Variants in ST6GALNAC3 observed in about 807,000 individuals in gnomAD.
ST6GALNAC3 encodes the protein ST6 N-acetylgalactosaminide alpha-2,6-sialyltransferase 3.
Under a neutral mutation model 32.7 loss-of-function variants are expected in ST6GALNAC3, and 25 were observed. The ratio of observed to expected loss-of-function variants is 0.76; its 90% CI spans 0.56 to 1.07. The LOEUF (loss-of-function observed/expected upper bound fraction) is 1.07, where lower values mean the gene tolerates loss of function less well. Ranked by LOEUF, ST6GALNAC3 falls within the 50% of genes least tolerant of loss-of-function variation. The pLI, the probability that ST6GALNAC3 is intolerant of heterozygous loss-of-function variation, is 0.00. For missense variants in ST6GALNAC3, 355 were observed against 382.4 expected (o/e 0.93, Z 0.60); for synonymous variants, 129 against 133.1 (o/e 0.97, Z 0.21).
At chr1:76,496,806 G>A (rs1460912221) in intron 3 of ST6GALNAC3, among the ~76,000 whole-genome samples, 4 of 152,138 alleles carry the variant, frequency 2.6e-5, no homozygotes, top group Admixed American at 2.0e-4. Flanking sequence ...CAAATGGACT[G>A]AGACTATTTC....
chr1:76,437,325 T>A (rs1656209288), intron 3 of ST6GALNAC3, among the ~76,000 whole-genome samples: 1 of 152,108 alleles, frequency 6.6e-6, no homozygotes, highest in Admixed American at 6.5e-5. Context: ...TTCATAGCCC[T>A]CCTATGGAAA....
intron 1 of ST6GALNAC3, among the ~76,000 whole-genome samples, chr1:76,166,410 T>C (rs980243724): frequency 3.9e-5 from 6 of 152,168 alleles, no homozygotes; most frequent in African/African-American, 7.2e-5. Context: ...AGCTGTGTAG[T>C]ACAGTTTGAA....
At chr1:76,284,505 A>G (rs1557752976) in intron 1 of ST6GALNAC3, among the ~76,000 whole-genome samples, 1 of 152,188 alleles carries the variant, frequency 6.6e-6, no homozygotes, top group Non-Finnish European at 1.5e-5. Context: ...AGCAACATTA[A>G]GATAAATTTT....
chr1:76,244,648 A>G (rs1232634570), intron 1 of ST6GALNAC3, among the ~76,000 whole-genome samples: 1 of 152,196 alleles, frequency 6.6e-6, no homozygotes, highest in Non-Finnish European at 1.5e-5. Flanking sequence ...AGTTTTTAAC[A>G]TGAAGTAATG....
chr1:76,210,621 A>C (rs1189934084), intron 1 of ST6GALNAC3, among the ~76,000 whole-genome samples: 1 of 152,174 alleles, frequency 6.6e-6, no homozygotes, highest in East Asian at 1.9e-4. Context: ...GGAAATCTCC[A>C]ATCAAGGTGT....
chr1:76,196,708 C>T (rs572457442), intron 1 of ST6GALNAC3, among the ~76,000 whole-genome samples: 23 of 152,168 alleles, frequency 1.5e-4, no homozygotes, highest in South Asian at 6.2e-4. Flanking sequence ...TTAGGTGATC[C>T]GCCCACCTCG....
At chr1:76,183,093 A>G (rs2100468755) in intron 1 of ST6GALNAC3, among the ~76,000 whole-genome samples, 1 of 152,248 alleles carries the variant, frequency 6.6e-6, no homozygotes, top group South Asian at 2.1e-4. Flanking sequence ...ATGGTTATGG[A>G]GAAGTCTAGA....
intron 2 of ST6GALNAC3, among the ~76,000 whole-genome samples, chr1:76,322,990 G>A (rs144955185): frequency 2.6e-3 from 396 of 152,130 alleles, no homozygotes; most frequent in African/African-American, 9.0e-3. Flanking sequence ...ACAGGCACCT[G>A]CCACCATGCC....
At chr1:76,396,410 A>T (rs1652960423) in intron 2 of ST6GALNAC3, among the ~76,000 whole-genome samples, 1 of 152,216 alleles carries the variant, frequency 6.6e-6, no homozygotes, top group South Asian at 2.1e-4. Flanking sequence ...GGCTGCAGTG[A>T]GTCGAGATGG....
intron 1 of ST6GALNAC3, among the ~76,000 whole-genome samples, chr1:76,167,641 G>A (rs984286370): frequency 3.0e-4 from 45 of 149,920 alleles, no homozygotes; most frequent in Non-Finnish European, 5.9e-4. Flanking sequence ...TGGTTGGTAG[G>A]CTATTTGTTG....
chr1:76,224,659 A>T (rs1387735236), intron 1 of ST6GALNAC3, among the ~76,000 whole-genome samples: 3 of 152,150 alleles, frequency 2.0e-5, no homozygotes, highest in African/African-American at 7.2e-5. Flanking sequence ...GGTGCTGGAG[A>T]TTGATTTTGG....
chr1:76,531,657 G>T (rs776024424), intron 3 of ST6GALNAC3, among the ~76,000 whole-genome samples: 1 of 151,996 alleles, frequency 6.6e-6, no homozygotes, highest in Non-Finnish European at 1.5e-5. Context: ...ACAATTCCAG[G>T]TACAAAATAC....
chr1:76,163,896 G>A (rs902243557), intron 1 of ST6GALNAC3, among the ~76,000 whole-genome samples: 6 of 152,092 alleles, frequency 3.9e-5, no homozygotes, highest in Non-Finnish European at 5.9e-5. Context: ...AAACTGTTAC[G>A]GCCGACATGC....
At chr1:76,549,549 T>C (rs1664500828) in intron 3 of ST6GALNAC3, among the ~76,000 whole-genome samples, 1 of 152,178 alleles carries the variant, frequency 6.6e-6, no homozygotes, top group South Asian at 2.1e-4. Context: ...TGTTTTGTTG[T>C]ATAAATATAC....
intron 3 of ST6GALNAC3, among the ~76,000 whole-genome samples, chr1:76,456,724 T>G (rs1017331207): frequency 6.6e-6 from 1 of 152,168 alleles, no homozygotes; most frequent in African/African-American, 2.4e-5. Context: ...GAGCTATCTG[T>G]GACAAACCCA....
chr1:76,497,874 T>C (rs1660949705), intron 3 of ST6GALNAC3, among the ~76,000 whole-genome samples: 1 of 152,188 alleles, frequency 6.6e-6, no homozygotes, highest in African/African-American at 2.4e-5. Context: ...GTGGGCAGTA[T>C]TGAAGAGGAT....
chr1:76,414,859 T>A, intron 3 of ST6GALNAC3, among the ~76,000 whole-genome samples: 1 of 152,064 alleles, frequency 6.6e-6, no homozygotes, highest in African/African-American at 2.4e-5. Context: ...TGCCTTAATA[T>A]CATTATATAT....
At chr1:76,435,859 A>T (rs139562319) in intron 3 of ST6GALNAC3, among the ~76,000 whole-genome samples, 2 of 114,918 alleles carry the variant, frequency 1.7e-5, no homozygotes, top group South Asian at 2.7e-4. Flanking sequence ...TTCTTTTTTT[A>T]TTTTTTTTTT....
chr1:76,373,077 G>A (rs897138257), intron 2 of ST6GALNAC3, among the ~76,000 whole-genome samples: 23 of 152,136 alleles, frequency 1.5e-4, no homozygotes, highest in South Asian at 6.2e-4. Flanking sequence ...GATTATAGGC[G>A]TGAGCCACGG....
Sources: allele counts gnomAD v4.1 joint callset (sites outside exome capture counted in the v4.1 genomes callset), GRCh38; gene constraint gnomAD v4.1.1; transcripts MANE v1.5; gene names NCBI Gene and HGNC (gene_info 2026-07-23, HGNC 2026-07-21).